The following NRXN3 variants were observed in gnomAD, a reference collection of about 807,000 sequenced individuals.
The protein encoded by NRXN3 is neurexin 3.
NRXN3 carries 32 observed loss-of-function variants against 137.6 expected under a neutral mutation model. The ratio of observed to expected loss-of-function variants is 0.23; its 90% CI spans 0.18 to 0.31. NRXN3 has a LOEUF of 0.31. NRXN3 is among the 10% of genes least tolerant of loss of function. The pLI is 1.00. For synonymous variants in NRXN3, 798 were observed against 784.5 expected, an observed-to-expected ratio of 1.02 and a Z score of -0.29; for missense variants, 1,574 against 2,062.5, an observed-to-expected ratio of 0.76 and a Z score of 4.59.
chr14:79,080,671 T>G (rs2152754064), intron 15 of NRXN3, among the ~76,000 whole-genome samples: 1 of 152,330 alleles, frequency 6.6e-6, no homozygotes, highest in South Asian at 2.1e-4. Context: ...AGTGGTAATT[T>G]CCTCAATTCC....
intron 15 of NRXN3, among the ~76,000 whole-genome samples, chr14:79,357,792 T>C (rs534022370): frequency 6.6e-5 from 10 of 152,194 alleles, no homozygotes; most frequent in South Asian, 2.1e-4. Flanking sequence ...ACTATAGATA[T>C]GAATGCCACT....
chr14:79,358,611 A>AAGAAAG (rs1566902359), intron 15 of NRXN3, among the ~76,000 whole-genome samples: 16 of 61,236 alleles, frequency 2.6e-4, no homozygotes, highest in Non-Finnish European at 4.6e-4. Context: ...AAGAAAGAGA[A>AAGAAAG]AGAAAGAAAG....
chr14:78,658,099 T>A (rs1175855366), intron 6 of NRXN3, among the ~76,000 whole-genome samples: 1 of 152,318 alleles, frequency 6.6e-6, no homozygotes, highest in Non-Finnish European at 1.5e-5. Context: ...TGAATTTAGG[T>A]CATAGCTTTG....
At chr14:79,509,222 T>C (rs537876879) in intron 16 of NRXN3, among the ~76,000 whole-genome samples, 22 of 152,084 alleles carry the variant, frequency 1.4e-4, no homozygotes, top group Non-Finnish European at 2.9e-4. Flanking sequence ...AATAATGCTT[T>C]GTGCATTTCA....
chr14:78,771,731 T>A (rs2152999166), intron 8 of NRXN3, among the ~76,000 whole-genome samples: 1 of 152,348 alleles, frequency 6.6e-6, no homozygotes, highest in South Asian at 2.1e-4. Context: ...AAGTCAAGTT[T>A]GTTTTTAGTT....
At position 78,993,834 on chromosome 14, in the gene NRXN3, ATTTTTTTTTTTT is replaced by A. The variant is rs58170856; in HGVS notation, c.3262+5715_3262+5726del. ...GTTTTCATTGAAGATGAGCCTTGAA[ATTTTTTTTTTTT>A]TTTTTTTTTTTTTTTTTTTTTGAGA... is the stretch of plus-strand genomic sequence containing the variant. On this transcript the variant is annotated intron_variant, in intron 15 of 20. Coordinates refer to ENST00000335750, the MANE Select transcript of NRXN3 (RefSeq NM_001330195.2). Among the ~76,000 whole-genome samples, 527 of 67,002 alleles carry A rather than the reference ATTTTTTTTTTTT, an allele frequency of 7.9e-3. 6 individuals carry two copies. The highest frequency in any genetic ancestry group is 0.02 in the African/African-American group (438 of 22,418). The allele number at this position is 67,002 out of a possible 152,430, so 44.0% of individuals were successfully genotyped here. A position where few individuals can be genotyped will look rare whatever the true frequency, so the allele number is the denominator to read the frequency against.
At chr14:79,788,054 T>C (rs576262510) in intron 19 of NRXN3, among the ~76,000 whole-genome samples, 107 of 152,150 alleles carry the variant, frequency 7.0e-4, no homozygotes, top group Non-Finnish European at 1.2e-3. Flanking sequence ...ACTTCACAGC[T>C]CCACATGACT....
intron 15 of NRXN3, among the ~76,000 whole-genome samples, chr14:79,369,583 C>CTT (rs2094019221): frequency 2.0e-5 from 3 of 152,220 alleles, no homozygotes; most frequent in Admixed American, 2.0e-4. Flanking sequence ...TAATATCCCA[C>CTT]TTACATCCTG....
In NRXN3 at chr14:78,816,139, C is replaced by T. The variant is rs115564730; in HGVS notation, c.2275+5795C>T. Among the ~76,000 whole-genome samples the T allele has an allele frequency of 9.2e-3, 1,404 of 152,200 alleles. 20 individuals carry two copies. The highest frequency in any genetic ancestry group is 0.032 in the African/African-American group (1,335 of 41,540). ...CAGATTTTAGTATGATAGTGGGATG[C>T]TTCCTAAATATATAATATTAAACAC... On this transcript the variant is annotated intron_variant, in intron 10 of 20. Transcript: ENST00000335750.
chr14:78,349,467 T>C (rs1428458898), intron 4 of NRXN3, among the ~76,000 whole-genome samples: 6 of 152,236 alleles, frequency 3.9e-5, no homozygotes, highest in Admixed American at 1.3e-4. Flanking sequence ...CCTTTCTTCC[T>C]TTCCGAGTCC....
chr14:79,864,925 G>A lies in NRXN3; in HGVS notation c.*2961G>A, dbSNP rs1323299643. The A allele has an allele frequency of 6.6e-6, 1 of 151,926 alleles. No homozygotes were observed. The highest frequency in any genetic ancestry group is 2.4e-5 in the African/African-American group (1 of 41,314). The allele number at this position is 151,926 out of a possible 1,614,324, so 9.4% of individuals were successfully genotyped here. The stretch of plus-strand genomic sequence containing the variant: ...CGCCACCACGCCCGGCTAATTTTTT[G>A]TATTTTTCGTAGAGACGGGGTTTCA... On this transcript the variant is annotated 3_prime_UTR_variant, in exon 21 of 21. Transcript: ENST00000335750.
At chr14:78,254,694 G>A (rs111335007) in intron 2 of NRXN3, among the ~76,000 whole-genome samples, 3 of 131,490 alleles carry the variant, frequency 2.3e-5, no homozygotes, top group Admixed American at 1.5e-4. Context: ...AAAAAAAAAA[G>A]ATTGGAAGTT....
intron 15 of NRXN3, among the ~76,000 whole-genome samples, chr14:79,452,644 A>T (rs932958440): frequency 5.3e-5 from 8 of 152,214 alleles, no homozygotes; most frequent in African/African-American, 1.9e-4. Flanking sequence ...ACAAGTAAGA[A>T]ACTTTCTATT....
chr14:79,714,835 T>C (rs1469304207), intron 19 of NRXN3, among the ~76,000 whole-genome samples: 1 of 152,232 alleles, frequency 6.6e-6, no homozygotes, highest in African/African-American at 2.4e-5. Context: ...TTTCCTTACC[T>C]CAGCATCCTT....
At chr14:78,590,064 G>C (rs1422538600) in intron 4 of NRXN3, among the ~76,000 whole-genome samples, 1 of 152,212 alleles carries the variant, frequency 6.6e-6, no homozygotes, top group Non-Finnish European at 1.5e-5. Context: ...CCAAAGAATT[G>C]TGAAGTCACA....
At chr14:78,966,472 G>A in intron 12 of NRXN3, 66 bp downstream of exon 12, 1 of 1,503,424 alleles carries the variant, frequency 6.7e-7, no homozygotes. Flanking sequence ...CGTAAAATAT[G>A]GACATAAAAA....
At chr14:78,587,817 T>C (rs1395244701) in intron 4 of NRXN3, among the ~76,000 whole-genome samples, 1 of 152,232 alleles carries the variant, frequency 6.6e-6, no homozygotes, top group African/African-American at 2.4e-5. Flanking sequence ...GCCTTTGTCA[T>C]ATTTCTATAT....
intron 15 of NRXN3, among the ~76,000 whole-genome samples, chr14:79,410,299 T>C (rs189355625): frequency 6.6e-6 from 1 of 152,174 alleles, no homozygotes; most frequent in East Asian, 1.9e-4. Context: ...CTTAATGTTG[T>C]TTTAACACTA....
At chr14:78,556,029 C>G (rs1489877693) in intron 4 of NRXN3, among the ~76,000 whole-genome samples, 1 of 152,190 alleles carries the variant, frequency 6.6e-6, no homozygotes, top group African/African-American at 2.4e-5. Context: ...TTTTCAAAGG[C>G]AAGGTTCCTA....
Sources: allele counts gnomAD v4.1 joint callset (sites outside exome capture counted in the v4.1 genomes callset), GRCh38; gene constraint gnomAD v4.1.1; transcripts MANE v1.5; gene names NCBI Gene and HGNC (gene_info 2026-07-23, HGNC 2026-07-21).